The following SEMA6D variants were observed in gnomAD, a reference collection of about 807,000 sequenced individuals.
SEMA6D encodes the protein semaphorin-6D.
SEMA6D carries 35 observed loss-of-function variants against 106.6 expected under a neutral mutation model. The observed-to-expected ratio is 0.33, with a 90% CI of 0.25 to 0.44. The LOEUF is 0.44. SEMA6D is among the 20% of genes least tolerant of loss of function. The pLI is 1.00. For missense variants in SEMA6D, 1,185 were observed against 1,345.9 expected (o/e 0.88, Z 1.87); for synonymous variants, 499 against 487.7 (o/e 1.02, Z -0.31).
intron 1 of SEMA6D, among the ~76,000 whole-genome samples, chr15:47,282,699 G>A (rs545349536): frequency 7.6e-4 from 115 of 152,262 alleles, no homozygotes; most frequent in South Asian, 1.2e-3. Context: ...GCACATTTGA[G>A]GGTCAGTTAG....
intron 4 of SEMA6D, among the ~76,000 whole-genome samples, chr15:47,656,804 G>T (rs1043409858): frequency 1.3e-5 from 2 of 152,124 alleles, no homozygotes; most frequent in African/African-American, 4.8e-5. Context: ...CTTGCCTTTT[G>T]CAAACAGCTA....
At chr15:47,770,376 G>T (rs2082564894) in intron 18 of SEMA6D, 121 bp from the exon 19 acceptor site, 1 of 750,312 alleles carries the variant, frequency 1.3e-6, no homozygotes. Flanking sequence ...GAGTCTACTT[G>T]ACCCTCCGAG....
At chr15:47,766,475 T>G in intron 15 of SEMA6D, 141 bp from the exon 16 acceptor site, 1 of 724,576 alleles carries the variant, frequency 1.4e-6, no homozygotes, top group Non-Finnish European at 2.3e-6. Flanking sequence ...TTTTAGCAAG[T>G]TATGTTAAAA....
chr15:47,562,277 C>T (rs567404931), intron 3 of SEMA6D, among the ~76,000 whole-genome samples: 1 of 152,090 alleles, frequency 6.6e-6, no homozygotes, highest in South Asian at 2.1e-4. Context: ...TAGATCCTTA[C>T]ATTCACTATG....
chr15:47,639,253 TG>T (rs1375238194), intron 4 of SEMA6D, among the ~76,000 whole-genome samples: 1 of 152,098 alleles, frequency 6.6e-6, no homozygotes, highest in Non-Finnish European at 1.5e-5. Flanking sequence ...AGAAATACAA[TG>T]GTGGGATATG....
At chr15:47,695,545 C>A (rs1377277874) in intron 4 of SEMA6D, among the ~76,000 whole-genome samples, 1 of 152,022 alleles carries the variant, frequency 6.6e-6, no homozygotes, top group African/African-American at 2.4e-5. Context: ...CACACACACA[C>A]AACACACACA....
chr15:47,572,033 C>A (rs1350068128), intron 3 of SEMA6D, among the ~76,000 whole-genome samples: 2 of 152,176 alleles, frequency 1.3e-5, no homozygotes, highest in Admixed American at 1.3e-4. Context: ...GTCATAGGTT[C>A]AGATCAACAT....
intron 2 of SEMA6D, among the ~76,000 whole-genome samples, chr15:47,463,668 T>C (rs1338754963): frequency 6.6e-6 from 1 of 152,186 alleles, no homozygotes; most frequent in Non-Finnish European, 1.5e-5. Context: ...ATGTCTTTTG[T>C]AGTTTACTGT....
intron 1 of SEMA6D, among the ~76,000 whole-genome samples, chr15:47,234,613 C>T (rs1047144653): frequency 6.6e-6 from 1 of 151,990 alleles, no homozygotes; most frequent in East Asian, 1.9e-4. Flanking sequence ...ATTGTTCATT[C>T]CTGAATTACT....
At chr15:47,471,302 G>A (rs910517156) in intron 3 of SEMA6D, among the ~76,000 whole-genome samples, 1 of 152,142 alleles carries the variant, frequency 6.6e-6, no homozygotes. Flanking sequence ...GATGTTTTCA[G>A]TTTGTTCATC....
rs142128116 is a variant in SEMA6D at position 47,543,739 on chromosome 15, G to A, written c.-86-57126G>A. Among the ~76,000 whole-genome samples, 324 of 152,162 alleles carry A rather than the reference G, an allele frequency of 2.1e-3. 1 individual carries two copies. The highest frequency in any genetic ancestry group is 7.7e-3 in the African/African-American group (318 of 41,520). On this transcript the variant is annotated intron_variant, in intron 3 of 19. Transcript: ENST00000558014. ...TCTGCAGTGTTTCCTTCAAGCTCTG[G>A]AATACTATAACTGTTGGAGTGTTAT...
At chr15:47,219,423 T>G (rs2030981164) in intron 1 of SEMA6D, among the ~76,000 whole-genome samples, 1 of 152,242 alleles carries the variant, frequency 6.6e-6, no homozygotes, top group Admixed American at 6.5e-5. Flanking sequence ...TACAGGATCC[T>G]TAAGAATGGG....
intron 1 of SEMA6D, among the ~76,000 whole-genome samples, chr15:47,400,710 T>C (rs983294823): frequency 1.3e-5 from 2 of 152,194 alleles, no homozygotes; most frequent in Non-Finnish European, 2.9e-5. Context: ...CGAAGGATAC[T>C]CAGTGTATCA....
At chr15:47,206,811 C>T (rs1272288236) in intron 1 of SEMA6D, among the ~76,000 whole-genome samples, 1 of 152,112 alleles carries the variant, frequency 6.6e-6, no homozygotes, top group Non-Finnish European at 1.5e-5. Context: ...GCAGCCCTCT[C>T]CCCACCATCC....
chr15:47,381,570 T>C (rs1269944762), intron 1 of SEMA6D, among the ~76,000 whole-genome samples: 1 of 152,136 alleles, frequency 6.6e-6, no homozygotes, highest in Non-Finnish European at 1.5e-5. Flanking sequence ...CAGGAGTGAC[T>C]TGAGGGCTTT....
intron 3 of SEMA6D, among the ~76,000 whole-genome samples, chr15:47,495,360 A>G (rs2043619230): frequency 6.6e-6 from 1 of 151,964 alleles, no homozygotes; most frequent in Admixed American, 6.6e-5. Flanking sequence ...ATCTAGACTC[A>G]TGGAGCTGAT....
At chr15:47,194,009 A>T (rs1894155116) in intron 1 of SEMA6D, among the ~76,000 whole-genome samples, 1 of 152,034 alleles carries the variant, frequency 6.6e-6, no homozygotes, top group South Asian at 2.1e-4. Flanking sequence ...TTAATACTTA[A>T]CAGAGAGTAC....
chr15:47,424,069 C>G (rs2041255130), intron 2 of SEMA6D, among the ~76,000 whole-genome samples: 1 of 151,934 alleles, frequency 6.6e-6, no homozygotes, highest in Non-Finnish European at 1.5e-5. Flanking sequence ...AATAGGAAAT[C>G]AGTGAAGGCC....
intron 1 of SEMA6D, among the ~76,000 whole-genome samples, chr15:47,213,073 A>G (rs867430756): frequency 2.6e-5 from 4 of 152,110 alleles, no homozygotes; most frequent in Non-Finnish European, 4.4e-5. Context: ...AGTGTTGGCA[A>G]TGTTCTTACC....
Sources: gnomAD v4.1 joint callset for allele counts (sites outside exome capture counted in the v4.1 genomes callset) on GRCh38, gnomAD v4.1.1 for gene constraint, MANE v1.5 for transcripts, NCBI Gene and HGNC (gene_info 2026-07-23, HGNC 2026-07-21) for gene names.